TNIK: variants seen among roughly 807,000 people sequenced by gnomAD.
TNIK encodes TRAF2 and NCK-interacting protein kinase.
A neutral mutation model predicts 191.3 loss-of-function variants in TNIK; 49 were observed. That is an observed-to-expected ratio of 0.26 (90% CI 0.20 to 0.32). The LOEUF (loss-of-function observed/expected upper bound fraction) is 0.32. TNIK is among the 10% of genes least tolerant of loss of function. TNIK has a pLI of 1.00. For synonymous variants in TNIK, 594 were observed against 600.9 expected (o/e 0.99, Z 0.17); for missense variants, 1,155 against 1,702.3 (o/e 0.68, Z 5.66).
intron 2 of TNIK, among the ~76,000 whole-genome samples, chr3:171,306,910 G>T (rs913138673): frequency 6.6e-6 from 1 of 152,138 alleles, no homozygotes; most frequent in Non-Finnish European, 1.5e-5. Context: ...AAAAACCTCA[G>T]CCAGCAGCGA....
intron 18 of TNIK, among the ~76,000 whole-genome samples, chr3:171,116,005 C>T (rs916064302): frequency 6.6e-6 from 1 of 152,226 alleles, no homozygotes; most frequent in African/African-American, 2.4e-5. Context: ...AAGTTCTCCT[C>T]ACCAGAGCTA....
intron 19 of TNIK, among the ~76,000 whole-genome samples, chr3:171,109,477 A>C (rs1219963102): frequency 6.6e-6 from 1 of 152,254 alleles, no homozygotes; most frequent in African/African-American, 2.4e-5. Flanking sequence ...CATCAATCAC[A>C]TGTTAGATAT....
intron 2 of TNIK, among the ~76,000 whole-genome samples, chr3:171,240,736 G>T (rs922298233): frequency 6.6e-6 from 1 of 152,060 alleles, no homozygotes; most frequent in Non-Finnish European, 1.5e-5. Context: ...TCTTTTTCTG[G>T]CTGCTATATC....
intron 1 of TNIK, among the ~76,000 whole-genome samples, chr3:171,377,841 G>A (rs879665412): frequency 3.3e-5 from 5 of 152,218 alleles, no homozygotes; most frequent in Non-Finnish European, 5.9e-5. Flanking sequence ...CTTGCTGGTG[G>A]TATTAAGAGA....
At chr3:171,103,920 C>A (rs1057456458) in intron 21 of TNIK, among the ~76,000 whole-genome samples, 1 of 151,998 alleles carries the variant, frequency 6.6e-6, no homozygotes, top group Admixed American at 6.5e-5. Flanking sequence ...AAAACTTTCA[C>A]TTGTTAAAAT....
At chr3:171,405,439 A>G (rs995793788) in intron 1 of TNIK, among the ~76,000 whole-genome samples, 12 of 152,020 alleles carry the variant, frequency 7.9e-5, no homozygotes, top group Non-Finnish European at 5.9e-5. Flanking sequence ...CATTTAATAA[A>G]TCATCAATTT....
intron 9 of TNIK, among the ~76,000 whole-genome samples, chr3:171,169,203 T>C (rs1055516033): frequency 4.0e-5 from 6 of 151,794 alleles, no homozygotes; most frequent in Non-Finnish European, 5.9e-5. Flanking sequence ...GAAATATTTA[T>C]AAGGAATATA....
intron 30 of TNIK, among the ~76,000 whole-genome samples, chr3:171,068,361 A>T (rs1718733051): frequency 5.9e-5 from 9 of 152,174 alleles, no homozygotes; most frequent in Admixed American, 5.9e-4. Context: ...CCATTACTGC[A>T]AAGCTAATAC....
rs749716318 is a variant in TNIK at position 171,434,467 on chromosome 3, ATTTT to A, written c.57+25536_57+25539del. 4.3e-3 allele frequency among the ~76,000 whole-genome samples: 443 copies of A among 103,066 alleles called. 1 individual carries two copies. The highest frequency in any genetic ancestry group is 0.015 in the Middle Eastern group (3 of 206). 67.6% of individuals were successfully genotyped at this position (103,066 alleles called of 152,430 possible). A position where few individuals can be genotyped will look rare whatever the true frequency, so the allele number is the denominator to read the frequency against. ...TACTTATTTATTTATTTATTTATTTATTTTTTTTGAGACAAAGTCTTGCTCTGTT... is the reference window on the plus strand; with the variant it reads ...TACTTATTTATTTATTTATTTATTTATTTTGAGACAAAGTCTTGCTCTGTT... On this transcript the variant is annotated intron_variant, in intron 1 of 32. Coordinates refer to ENST00000436636, the MANE Select transcript of TNIK (RefSeq NM_015028.4).
intron 2 of TNIK, among the ~76,000 whole-genome samples, chr3:171,294,916 C>T (rs909982420): frequency 1.3e-5 from 2 of 151,608 alleles, no homozygotes; most frequent in Non-Finnish European, 2.9e-5. Context: ...TGGTAGTTAT[C>T]CATGTGTTCA....
At chr3:171,401,973 G>A (rs1721011694) in intron 1 of TNIK, among the ~76,000 whole-genome samples, 1 of 152,206 alleles carries the variant, frequency 6.6e-6, no homozygotes, top group Non-Finnish European at 1.5e-5. Context: ...CTATCAAATA[G>A]AAGTCAGCAG....
chr3:171,236,750 ACT>A (rs1355368205), intron 2 of TNIK, among the ~76,000 whole-genome samples: 4 of 151,952 alleles, frequency 2.6e-5, no homozygotes, highest in Non-Finnish European at 2.9e-5. Flanking sequence ...CCTCTGGCAG[ACT>A]CTTTGCTCAC....
At chr3:171,335,402 A>G (rs1756860995) in intron 2 of TNIK, among the ~76,000 whole-genome samples, 1 of 152,184 alleles carries the variant, frequency 6.6e-6, no homozygotes, top group African/African-American at 2.4e-5. Context: ...ATTAATCCTA[A>G]AAAGTTCTCT....
At chr3:171,402,980 C>G (rs2108579769) in intron 1 of TNIK, among the ~76,000 whole-genome samples, 1 of 152,310 alleles carries the variant, frequency 6.6e-6, no homozygotes, top group East Asian at 1.9e-4. Flanking sequence ...TATGCACTGT[C>G]TAAAAGTTTT....
chr3:171,118,835 C>T (rs982243283), intron 18 of TNIK, among the ~76,000 whole-genome samples: 1 of 152,022 alleles, frequency 6.6e-6, no homozygotes, highest in African/African-American at 2.4e-5. Context: ...CCATAAAAAC[C>T]CTAGAATAAA....
intron 2 of TNIK, among the ~76,000 whole-genome samples, chr3:171,303,706 T>C (rs1753121753): frequency 6.6e-6 from 1 of 152,204 alleles, no homozygotes. Context: ...ATCTCCAATC[T>C]GTCAAACATG....
intron 1 of TNIK, among the ~76,000 whole-genome samples, chr3:171,393,679 T>C (rs993364222): frequency 6.6e-6 from 1 of 152,256 alleles, no homozygotes; most frequent in Non-Finnish European, 1.5e-5. Context: ...GAGTGACTGT[T>C]AATACCAACA....
chr3:171,377,562 T>A (rs544691044), intron 1 of TNIK, among the ~76,000 whole-genome samples: 9 of 152,364 alleles, frequency 5.9e-5, no homozygotes, highest in African/African-American at 2.2e-4. Context: ...ATGCTTTTCA[T>A]ACATTTTCAT....
intron 2 of TNIK, among the ~76,000 whole-genome samples, chr3:171,327,069 C>A (rs1755851955): frequency 6.6e-6 from 1 of 152,126 alleles, no homozygotes. Flanking sequence ...GCTAAGCTAT[C>A]CCTGGGATGA....
Sources: allele counts gnomAD v4.1 joint callset (sites outside exome capture counted in the v4.1 genomes callset), GRCh38; gene constraint gnomAD v4.1.1; transcripts MANE v1.5; gene names NCBI Gene and HGNC (gene_info 2026-07-23, HGNC 2026-07-21).